The following KLHL29 variants were observed in gnomAD, a reference collection of about 807,000 sequenced individuals.
KLHL29 encodes kelch-like protein 29.
In KLHL29, 21 loss-of-function variants were observed where a neutral mutation model predicts 80.4. The observed-to-expected ratio is 0.26, with a 90% CI of 0.19 to 0.38. The LOEUF (loss-of-function observed/expected upper bound fraction) is 0.38, where lower values mean the gene tolerates loss of function less well. Ranked by LOEUF, KLHL29 falls within the 10% of genes least tolerant of loss-of-function variation. KLHL29 has a pLI of 1.00. For missense variants in KLHL29, 867 were observed against 1,223.9 expected, an observed-to-expected ratio of 0.71 and a Z score of 4.35; for synonymous variants, 511 against 526.8, an observed-to-expected ratio of 0.97 and a Z score of 0.41.
chr2:23,654,706 G>GC (rs57142949), intron 5 of KLHL29, among the ~76,000 whole-genome samples: 1 of 52,536 alleles, frequency 1.9e-5, no homozygotes, highest in Non-Finnish European at 5.1e-5. Flanking sequence ...TGGGGGGGGG[G>GC]GGTGGATGTT....
intron 5 of KLHL29, among the ~76,000 whole-genome samples, chr2:23,671,403 C>T (rs1003219630): frequency 3.3e-5 from 5 of 152,022 alleles, no homozygotes; most frequent in African/African-American, 9.7e-5. Context: ...TTCCCAAAGC[C>T]GTAGCTGACC....
intron 1 of KLHL29, among the ~76,000 whole-genome samples, chr2:23,468,742 A>T (rs1247030313): frequency 6.6e-6 from 1 of 152,188 alleles, no homozygotes; most frequent in African/African-American, 2.4e-5. Flanking sequence ...CTTGGGGTGC[A>T]GGTCACAGGC....
At chr2:23,394,546 G>C (rs1282177990) in intron 1 of KLHL29, among the ~76,000 whole-genome samples, 4 of 152,188 alleles carry the variant, frequency 2.6e-5, no homozygotes, top group Non-Finnish European at 5.9e-5. Flanking sequence ...TGGGTTACAG[G>C]GAGGAAGGAT....
intron 2 of KLHL29, among the ~76,000 whole-genome samples, chr2:23,532,007 A>C (rs928161969): frequency 2.0e-5 from 3 of 152,204 alleles, no homozygotes; most frequent in African/African-American, 7.2e-5. Context: ...ACCAAGGCCC[A>C]GTGGAAGCCT....
At chr2:23,548,334 C>T (rs1667032540) in intron 2 of KLHL29, among the ~76,000 whole-genome samples, 1 of 149,562 alleles carries the variant, frequency 6.7e-6, no homozygotes, top group Non-Finnish European at 1.5e-5. Flanking sequence ...AGCACACAGA[C>T]ACACACACAG....
intron 5 of KLHL29, among the ~76,000 whole-genome samples, chr2:23,671,767 G>T (rs1390324694): frequency 5.3e-5 from 8 of 152,234 alleles, no homozygotes. Context: ...CTCATGAGTA[G>T]ATGCAGAGCC....
At chr2:23,534,262 T>G (rs564623324) in intron 2 of KLHL29, among the ~76,000 whole-genome samples, 1 of 152,336 alleles carries the variant, frequency 6.6e-6, no homozygotes, top group South Asian at 2.1e-4. Context: ...GCAGTTAGTA[T>G]GACTTACCTT....
intron 1 of KLHL29, among the ~76,000 whole-genome samples, chr2:23,459,590 G>C (rs1389633500): frequency 6.6e-6 from 1 of 152,202 alleles, no homozygotes; most frequent in East Asian, 1.9e-4. Flanking sequence ...GGAAGCAAAG[G>C]GAAGCAAGGG....
At chr2:23,386,128 G>T (rs1437669511) in intron 1 of KLHL29, among the ~76,000 whole-genome samples, 1 of 152,106 alleles carries the variant, frequency 6.6e-6, no homozygotes, top group African/African-American at 2.4e-5. Flanking sequence ...TGCTGGGCCC[G>T]GCGGCGCGCG....
intron 1 of KLHL29, among the ~76,000 whole-genome samples, chr2:23,469,755 C>T (rs977730080): frequency 2.0e-4 from 31 of 152,276 alleles, no homozygotes; most frequent in South Asian, 2.1e-4. Context: ...GCATCTACTA[C>T]GTGCCAGGTG....
intron 1 of KLHL29, among the ~76,000 whole-genome samples, chr2:23,450,303 G>T (rs1345970302): frequency 6.6e-6 from 1 of 152,176 alleles, no homozygotes; most frequent in Non-Finnish European, 1.5e-5. Flanking sequence ...GGTTCACCCT[G>T]CTTCATGGGA....
chr2:23,423,344 C>G (rs530648240), intron 1 of KLHL29, among the ~76,000 whole-genome samples: 1 of 152,212 alleles, frequency 6.6e-6, no homozygotes, highest in East Asian at 1.9e-4. Flanking sequence ...GGCCGTGCCT[C>G]CCACCCCAGG....
chr2:23,603,201 C>T (rs1415096577), intron 3 of KLHL29, among the ~76,000 whole-genome samples: 1 of 152,114 alleles, frequency 6.6e-6, no homozygotes, highest in Non-Finnish European at 1.5e-5. Context: ...ACCCTGGAAC[C>T]GTGAGAAATG....
At chr2:23,564,355 G>A (rs1283864367) in intron 3 of KLHL29, among the ~76,000 whole-genome samples, 1 of 152,220 alleles carries the variant, frequency 6.6e-6, no homozygotes, top group East Asian at 1.9e-4. Context: ...ACAACAGCTG[G>A]GGCAAGGACT....
chr2:23,502,499 G>A (rs1665481463), intron 2 of KLHL29, among the ~76,000 whole-genome samples: 1 of 152,218 alleles, frequency 6.6e-6, no homozygotes, highest in Non-Finnish European at 1.5e-5. Context: ...CCCTAAGGGG[G>A]AGGACACTTG....
intron 1 of KLHL29, among the ~76,000 whole-genome samples, chr2:23,466,679 G>A (rs1664362157): frequency 1.3e-5 from 2 of 152,170 alleles, no homozygotes; most frequent in Admixed American, 6.6e-5. Flanking sequence ...GTATTCATAA[G>A]AATCTACAGG....
intron 1 of KLHL29, among the ~76,000 whole-genome samples, chr2:23,424,188 A>G (rs1662940950): frequency 6.6e-6 from 1 of 152,230 alleles, no homozygotes; most frequent in African/African-American, 2.4e-5. Context: ...TGGGAAATGC[A>G]TCAGATTTAA....
intron 5 of KLHL29, among the ~76,000 whole-genome samples, chr2:23,660,031 C>T (rs1303019479): frequency 1.3e-5 from 2 of 152,156 alleles, no homozygotes; most frequent in Non-Finnish European, 2.9e-5. Flanking sequence ...CTCACACCAC[C>T]CCTATCTAGA....
chr2:23,434,769 T>C (rs1663291051), intron 1 of KLHL29, among the ~76,000 whole-genome samples: 2 of 152,180 alleles, frequency 1.3e-5, no homozygotes, highest in Admixed American at 1.3e-4. Flanking sequence ...ACTGAGCCAT[T>C]GCTGTGCTTA....
Sources: allele counts gnomAD v4.1 joint callset (sites outside exome capture counted in the v4.1 genomes callset), GRCh38; gene constraint gnomAD v4.1.1; transcripts MANE v1.5; gene names NCBI Gene and HGNC (gene_info 2026-07-23, HGNC 2026-07-21).